Variants in LRRC37A2 observed in about 807,000 individuals in gnomAD.
LRRC37A2 encodes the protein leucine-rich repeat-containing protein 37A2.
A neutral mutation model predicts 68.8 loss-of-function variants in LRRC37A2; 9 were observed. The ratio of observed to expected loss-of-function variants is 0.13; its 90% CI spans 0.08 to 0.23. The LOEUF (loss-of-function observed/expected upper bound fraction) is 0.23. Among genes scored for constraint, LRRC37A2 ranks in the 10% least tolerant of loss-of-function variants. The pLI is 1.00. For missense variants in LRRC37A2, 168 were observed against 950.4 expected, an observed-to-expected ratio of 0.18 and a Z score of 10.82; for synonymous variants, 63 against 367.6, an observed-to-expected ratio of 0.17 and a Z score of 9.48.
At chr17:46,864,929 A>T in the LRRC37A2 span, among the ~76,000 whole-genome samples, 1 of 152,172 alleles carries the variant, frequency 6.6e-6, no homozygotes, top group Non-Finnish European at 1.5e-5. Context: ...GGGTGACCTT[A>T]AAGGGTTTCT....
the LRRC37A2 span, chr17:47,010,625 GAA>G: frequency 2.6e-5 from 4 of 152,282 alleles, no homozygotes; most frequent in African/African-American, 9.7e-5. Context: ...ACCTTCTTTA[GAA>G]CATGGAGAGC....
At chr17:46,547,145 A>G (rs1417153674) in intron 9 of LRRC37A2, 1 of 27,114 alleles carries the variant, frequency 3.7e-5, no homozygotes, top group Non-Finnish European at 7.7e-5. Flanking sequence ...AGTGTTGCTT[A>G]TTTTTCAAAA....
At chr17:46,943,908 T>C in the LRRC37A2 span, among the ~76,000 whole-genome samples, 1 of 152,134 alleles carries the variant, frequency 6.6e-6, no homozygotes, top group African/African-American at 2.4e-5. Context: ...GATCCCTCGG[T>C]CTGATGGTCA....
the LRRC37A2 span, among the ~76,000 whole-genome samples, chr17:46,891,914 TTTTC>T: frequency 3.9e-3 from 293 of 75,690 alleles, 3 homozygotes; most frequent in African/African-American, 0.015. Flanking sequence ...TTTTCTTTTC[TTTTC>T]TTTTTTTTTT....
At chr17:46,942,053 AG>A in the LRRC37A2 span, 1 of 601,296 alleles carries the variant, frequency 1.7e-6, no homozygotes, top group Non-Finnish European at 2.1e-6. Context: ...GGAGACTTTG[AG>A]GAAATAACTG....
chr17:47,017,768 C>T, the LRRC37A2 span: 81 of 1,610,438 alleles, frequency 5.0e-5, no homozygotes, highest in Non-Finnish European at 6.4e-5. Flanking sequence ...CACCGTATCC[C>T]GGTAGCCTGC....
the LRRC37A2 span, among the ~76,000 whole-genome samples, chr17:46,901,645 A>G: frequency 6.6e-6 from 1 of 152,154 alleles, no homozygotes; most frequent in East Asian, 1.9e-4. Context: ...CCAGCCTTCT[A>G]ATGGGAAAGA....
the LRRC37A2 span, among the ~76,000 whole-genome samples, chr17:46,828,614 C>T: frequency 6.6e-6 from 1 of 152,040 alleles, no homozygotes; most frequent in Non-Finnish European, 1.5e-5. Flanking sequence ...AAGGAAACAA[C>T]AAAAGGGAGG....
the LRRC37A2 span, among the ~76,000 whole-genome samples, chr17:46,891,913 CTTTTCTTTTTTT>C: frequency 8.5e-6 from 1 of 117,306 alleles, no homozygotes; most frequent in African/African-American, 3.5e-5. Flanking sequence ...CTTTTCTTTT[CTTTTCTTTTTTT>C]TTTTTTTTTT....
the LRRC37A2 span, among the ~76,000 whole-genome samples, chr17:46,880,267 T>A: frequency 2.0e-5 from 3 of 152,218 alleles, no homozygotes; most frequent in Non-Finnish European, 4.4e-5. Context: ...GACAGCCCCA[T>A]GCCAACCCTG....
At chr17:46,823,111 A>C in the LRRC37A2 span, among the ~76,000 whole-genome samples, 2 of 96,178 alleles carry the variant, frequency 2.1e-5, no homozygotes, top group Non-Finnish European at 4.0e-5. Context: ...ATAAACACAT[A>C]TATTATATAT....
At chr17:46,863,539 G>C in the LRRC37A2 span, among the ~76,000 whole-genome samples, 1 of 152,212 alleles carries the variant, frequency 6.6e-6, no homozygotes, top group Admixed American at 6.5e-5. Flanking sequence ...AGGATGGTTA[G>C]AGGGGGATGG....
the LRRC37A2 span, among the ~76,000 whole-genome samples, chr17:46,500,557 T>A: frequency 6.6e-6 from 1 of 150,464 alleles, no homozygotes; most frequent in Non-Finnish European, 1.5e-5. Context: ...CAAACTTTAA[T>A]GACCATAGAA....
chr17:47,019,446 G>C, the LRRC37A2 span: 4 of 1,610,316 alleles, frequency 2.5e-6, no homozygotes, highest in Non-Finnish European at 3.4e-6. Context: ...TCCAGACCTA[G>C]GGCTTGCCAT....
the LRRC37A2 span, chr17:46,910,213 C>T: frequency 2.6e-5 from 4 of 152,188 alleles, no homozygotes; most frequent in African/African-American, 7.2e-5. Flanking sequence ...CCCCCATCTC[C>T]CACTCTCCCC....
chr17:46,759,550 C>G, the LRRC37A2 span, among the ~76,000 whole-genome samples: 1 of 152,206 alleles, frequency 6.6e-6, no homozygotes, highest in African/African-American at 2.4e-5. Context: ...CTAGAAGGTT[C>G]TCTATTAAAC....
chr17:46,548,565 TAAA>T (rs1372713668), exon 10 of LRRC37A2: 1 of 1,550,868 alleles, frequency 6.4e-7, no homozygotes, highest in Non-Finnish European at 8.7e-7. Context: ...TACCGTTCAT[TAAA>T]CTGCCAACCA....
At chr17:46,697,466 T>A in the LRRC37A2 span, among the ~76,000 whole-genome samples, 1 of 148,686 alleles carries the variant, frequency 6.7e-6, no homozygotes, top group African/African-American at 2.5e-5. Context: ...CGCCTCAGCC[T>A]CCCAAAATGT....
the LRRC37A2 span, among the ~76,000 whole-genome samples, chr17:46,848,932 G>GCACACACACACACA: frequency 2.7e-5 from 4 of 146,180 alleles, no homozygotes; most frequent in South Asian, 2.1e-4. Flanking sequence ...GTGTGCACGT[G>GCACACACACACACA]CACACACACA....
Sources: gnomAD v4.1 joint callset for allele counts (sites outside exome capture counted in the v4.1 genomes callset) on GRCh38, gnomAD v4.1.1 for gene constraint, MANE v1.5 for transcripts, NCBI Gene and HGNC (gene_info 2026-07-23, HGNC 2026-07-21) for gene names.